PTPRT: variants seen among roughly 807,000 people sequenced by gnomAD.
PTPRT encodes the protein protein tyrosine phosphatase receptor type T.
Under a neutral mutation model 176.8 loss-of-function variants are expected in PTPRT, and 56 were observed. That is an observed-to-expected ratio of 0.32 (90% CI 0.26 to 0.40). The LOEUF is 0.40. PTPRT is among the 10% of genes least tolerant of loss of function. The pLI is 1.00. For missense variants in PTPRT, 1,540 were observed against 1,908.2 expected, an observed-to-expected ratio of 0.81 and a Z score of 3.60; for synonymous variants, 783 against 739.0, an observed-to-expected ratio of 1.06 and a Z score of -0.96.
intron 7 of PTPRT, among the ~76,000 whole-genome samples, chr20:42,508,866 T>A (rs1015239423): frequency 6.8e-6 from 1 of 148,136 alleles, no homozygotes; most frequent in Admixed American, 6.8e-5. Flanking sequence ...TGGCTGTTTA[T>A]CCTTACACTT....
intron 1 of PTPRT, among the ~76,000 whole-genome samples, chr20:43,001,979 T>C (rs1436885139): frequency 6.6e-6 from 1 of 152,186 alleles, no homozygotes; most frequent in East Asian, 1.9e-4. Flanking sequence ...CATCTTGAAT[T>C]GCAATCCCCA....
intron 1 of PTPRT, among the ~76,000 whole-genome samples, chr20:43,077,985 T>C (rs1165342885): frequency 6.6e-6 from 1 of 152,174 alleles, no homozygotes; most frequent in Non-Finnish European, 1.5e-5. Flanking sequence ...CCTCCCTGAG[T>C]ATATCAGATA....
At chr20:43,180,369 C>CTCTCTCCCTCTT (rs1208040640) in intron 1 of PTPRT, among the ~76,000 whole-genome samples, 1 of 151,238 alleles carries the variant, frequency 6.6e-6, no homozygotes, top group African/African-American at 2.4e-5. Flanking sequence ...CTCTCTCTCT[C>CTCTCTCCCTCTT]TCTGCCCCCA....
At chr20:42,081,438 C>T (rs1253178935) in intron 30 of PTPRT, among the ~76,000 whole-genome samples, 1 of 152,150 alleles carries the variant, frequency 6.6e-6, no homozygotes, top group African/African-American at 2.4e-5. Flanking sequence ...GGTACCAGGT[C>T]TTATCACCCG....
chr20:42,332,597 A>G (rs1056274708), intron 11 of PTPRT, among the ~76,000 whole-genome samples: 7 of 152,196 alleles, frequency 4.6e-5, no homozygotes, highest in African/African-American at 1.7e-4. Context: ...TCTTGAAAGA[A>G]TGACTAACGA....
chr20:42,450,136 G>T (rs2070802511), intron 8 of PTPRT, among the ~76,000 whole-genome samples: 1 of 152,138 alleles, frequency 6.6e-6, no homozygotes, highest in African/African-American at 2.4e-5. Context: ...TTTATTATTG[G>T]GCATTAAAGT....
At chr20:42,285,008 G>C (rs941613882) in intron 12 of PTPRT, among the ~76,000 whole-genome samples, 3 of 150,752 alleles carry the variant, frequency 2.0e-5, no homozygotes, top group African/African-American at 7.3e-5. Flanking sequence ...AACAGTAAAG[G>C]ACATTGCTCT....
intron 2 of PTPRT, among the ~76,000 whole-genome samples, chr20:42,883,973 A>G (rs1600516813): frequency 1.2e-5 from 1 of 81,632 alleles, no homozygotes; most frequent in South Asian, 4.6e-4. Context: ...ACACACACAC[A>G]CACGCATACA....
chr20:42,910,958 G>A (rs1042947840), intron 1 of PTPRT, among the ~76,000 whole-genome samples: 5 of 152,102 alleles, frequency 3.3e-5, no homozygotes, highest in African/African-American at 1.2e-4. Flanking sequence ...AAGGAGAAGT[G>A]CCGAGCAATG....
At chr20:42,464,294 C>T (rs1443802452) in intron 8 of PTPRT, among the ~76,000 whole-genome samples, 1 of 152,084 alleles carries the variant, frequency 6.6e-6, no homozygotes, top group East Asian at 1.9e-4. Context: ...CCAGAGTGAA[C>T]AACACAAAAC....
intron 9 of PTPRT, among the ~76,000 whole-genome samples, 195 bp downstream of exon 9, chr20:42,448,025 C>A (rs762045366): frequency 1.3e-5 from 2 of 152,152 alleles, no homozygotes; most frequent in African/African-American, 2.4e-5. Context: ...GTACAAATTT[C>A]TTTGTTCTTG....
intron 1 of PTPRT, among the ~76,000 whole-genome samples, chr20:43,035,364 A>G (rs561659958): frequency 5.9e-5 from 9 of 152,336 alleles, no homozygotes; most frequent in African/African-American, 2.2e-4. Context: ...GCTTCTGTAA[A>G]GGACCAGAGA....
intron 1 of PTPRT, among the ~76,000 whole-genome samples, chr20:43,064,118 GACC>G (rs1987583244): frequency 6.6e-6 from 1 of 151,946 alleles, no homozygotes; most frequent in African/African-American, 2.4e-5. Flanking sequence ...AACAGAGTGA[GACC>G]ACATTTCCCA....
Position 42,161,421 on chromosome 20 carries a change from C to T in PTPRT, c.2613G>A (p.Val871=). 2.5e-6 allele frequency: 4 copies of T among 1,614,166 alleles called. No individual in the cohort carries two copies. The highest frequency in any genetic ancestry group is 1.7e-5 in the Admixed American group (1 of 60,030). Residue 871 remains valine (V), a synonymous_variant, in exon 17 of 31, where the codon GTG becomes GTA. Coordinates refer to ENST00000373187, the MANE Select transcript of PTPRT (RefSeq NM_007050.6). ...PRDQFQPAIR[V]ADLLQHITQM... ...GCGTGATGTGCTGCAGCAAGTCAGC[C>T]ACCCGGATGGCGGGTTGGAACTGGT... is the stretch of plus-strand genomic sequence containing the variant.
At chr20:42,204,302 A>G (rs559276489) in intron 15 of PTPRT, among the ~76,000 whole-genome samples, 35 of 152,226 alleles carry the variant, frequency 2.3e-4, no homozygotes, top group African/African-American at 7.9e-4. Context: ...TGAAGAAGAA[A>G]AAAAAAATCT....
intron 1 of PTPRT, among the ~76,000 whole-genome samples, chr20:43,182,447 G>GT (rs2015281249): frequency 1.3e-5 from 2 of 151,424 alleles, no homozygotes; most frequent in Non-Finnish European, 2.9e-5. Flanking sequence ...CAGAAGTACA[G>GT]TGGCATGATC....
intron 7 of PTPRT, among the ~76,000 whole-genome samples, chr20:42,674,037 TA>T (rs1416666812): frequency 6.6e-6 from 1 of 152,170 alleles, no homozygotes; most frequent in Non-Finnish European, 1.5e-5. Context: ...TTCTGTTTTG[TA>T]AAATAATGAG....
At chr20:43,137,765 C>T (rs568942827) in intron 1 of PTPRT, among the ~76,000 whole-genome samples, 1 of 152,328 alleles carries the variant, frequency 6.6e-6, no homozygotes, top group East Asian at 1.9e-4. Flanking sequence ...TGCACACATG[C>T]ACTCAGACAC....
At chr20:43,003,077 A>C (rs113774332) in intron 1 of PTPRT, among the ~76,000 whole-genome samples, 5,124 of 152,310 alleles carry the variant, frequency 0.034, 289 homozygotes, top group African/African-American at 0.12. Context: ...AAAATACTTC[A>C]TCTGTCAACA....
Sources: allele counts gnomAD v4.1 joint callset (sites outside exome capture counted in the v4.1 genomes callset), GRCh38; gene constraint gnomAD v4.1.1; transcripts MANE v1.5; gene names NCBI Gene and HGNC (gene_info 2026-07-23, HGNC 2026-07-21).